The following LTBP1 variants were observed in gnomAD, a reference collection of about 807,000 sequenced individuals.
LTBP1 encodes the protein latent-transforming growth factor beta-binding protein 1.
LTBP1 carries 129 observed loss-of-function variants against 207.6 expected under a neutral mutation model. The ratio of observed to expected loss-of-function variants is 0.62; its 90% confidence interval spans 0.54 to 0.72. LTBP1 has a LOEUF of 0.72. Among genes scored for constraint, LTBP1 ranks in the 30% least tolerant of loss-of-function variants. The pLI, the probability that LTBP1 is intolerant of heterozygous loss-of-function variation, is 0.00. For missense variants in LTBP1, 2,281 were observed against 2,217.2 expected, an observed-to-expected ratio of 1.03 and a Z score of -0.58; for synonymous variants, 963 against 833.7, an observed-to-expected ratio of 1.16 and a Z score of -2.67.
intron 3 of LTBP1, among the ~76,000 whole-genome samples, chr2:33,097,552 C>T (rs190362171): frequency 2.4e-3 from 360 of 152,272 alleles, no homozygotes; most frequent in Non-Finnish European, 4.2e-3. Context: ...AAATCATAGA[C>T]ATTGTTAAAA....
intron 25 of LTBP1, 21 bp downstream of exon 25, chr2:33,342,984 C>G (rs1350989229): frequency 6.2e-7 from 1 of 1,603,726 alleles, no homozygotes; most frequent in Non-Finnish European, 8.5e-7. Flanking sequence ...AGATTTTTTC[C>G]CAACGTGTTT....
chr2:33,126,393 C>A (rs2081437499), intron 4 of LTBP1, among the ~76,000 whole-genome samples: 1 of 152,142 alleles, frequency 6.6e-6, no homozygotes, highest in South Asian at 2.1e-4. Flanking sequence ...TTCACAAAAA[C>A]CAGCCCATGT....
At chr2:32,989,229 A>G (rs1387429739) in intron 2 of LTBP1, among the ~76,000 whole-genome samples, 4 of 152,242 alleles carry the variant, frequency 2.6e-5, no homozygotes, top group Non-Finnish European at 4.4e-5. Context: ...TTAACTTATT[A>G]ATTAATGTGG....
At chr2:33,394,679 C>T (rs777160153) in intron 32 of LTBP1, among the ~76,000 whole-genome samples, 14 of 152,154 alleles carry the variant, frequency 9.2e-5, no homozygotes, top group Admixed American at 5.2e-4. Context: ...TGTTTTGGTA[C>T]GAGCATCATG....
chr2:33,211,971 A>G (rs1229270595), intron 7 of LTBP1, among the ~76,000 whole-genome samples: 1 of 152,216 alleles, frequency 6.6e-6, no homozygotes, highest in South Asian at 2.1e-4. Flanking sequence ...AAGTCTGAAG[A>G]TATGTGTTCC....
intron 31 of LTBP1, among the ~76,000 whole-genome samples, chr2:33,379,155 A>G (rs1279957063): frequency 6.7e-6 from 1 of 150,296 alleles, no homozygotes; most frequent in Non-Finnish European, 1.5e-5. Context: ...TTTCAAGAAA[A>G]TACTAGGTTG....
chr2:33,329,438 T>A (rs1257380211), intron 24 of LTBP1, among the ~76,000 whole-genome samples: 1 of 152,166 alleles, frequency 6.6e-6, no homozygotes, highest in African/African-American at 2.4e-5. Flanking sequence ...TTATTTCAGA[T>A]CAGTATTTTT....
chr2:33,095,438 A>G (rs867449121), intron 3 of LTBP1, among the ~76,000 whole-genome samples: 4 of 152,218 alleles, frequency 2.6e-5, no homozygotes, highest in Admixed American at 2.0e-4. Context: ...CTATAGAGGA[A>G]AGATAATTTG....
intron 31 of LTBP1, among the ~76,000 whole-genome samples, chr2:33,369,120 A>G (rs1267864760): frequency 6.6e-6 from 1 of 152,180 alleles, no homozygotes; most frequent in Non-Finnish European, 1.5e-5. Flanking sequence ...TAGAACAAAT[A>G]CATATGAAGT....
chr2:33,352,715 G>A (rs2094798898), intron 26 of LTBP1, among the ~76,000 whole-genome samples: 1 of 152,056 alleles, frequency 6.6e-6, no homozygotes, highest in African/African-American at 2.4e-5. Flanking sequence ...CATAGATATC[G>A]GTTTAAATCG....
At chr2:33,072,634 TGAGA>T (rs1359282771) in intron 3 of LTBP1, among the ~76,000 whole-genome samples, 1 of 152,116 alleles carries the variant, frequency 6.6e-6, no homozygotes, top group African/African-American at 2.4e-5. Context: ...AGAAGGTCAG[TGAGA>T]GAGAGATTTG....
At chr2:33,017,718 G>A (rs904772359) in intron 2 of LTBP1, among the ~76,000 whole-genome samples, 3 of 152,158 alleles carry the variant, frequency 2.0e-5, no homozygotes, top group Non-Finnish European at 4.4e-5. Flanking sequence ...CTGGGTTCAC[G>A]CCATTCTTCT....
chr2:33,075,011 A>C (rs1210190993), intron 3 of LTBP1, among the ~76,000 whole-genome samples: 1 of 152,196 alleles, frequency 6.6e-6, no homozygotes, highest in Non-Finnish European at 1.5e-5. Context: ...AGATCACACC[A>C]CTGCACTCCA....
At chr2:33,056,093 G>A (rs912471699) in intron 3 of LTBP1, among the ~76,000 whole-genome samples, 3 of 152,134 alleles carry the variant, frequency 2.0e-5, no homozygotes, top group Non-Finnish European at 4.4e-5. Flanking sequence ...AAAAAGTCAA[G>A]CTGCAGGATG....
chr2:33,235,830 A>T (rs571253267), intron 9 of LTBP1, among the ~76,000 whole-genome samples: 1 of 152,146 alleles, frequency 6.6e-6, no homozygotes. Context: ...ACATGTTCTC[A>T]CTCATAAGTG....
At chr2:33,068,389 C>G (rs182480509) in intron 3 of LTBP1, among the ~76,000 whole-genome samples, 1 of 152,080 alleles carries the variant, frequency 6.6e-6, no homozygotes, top group African/African-American at 2.4e-5. Flanking sequence ...TTATCTATTA[C>G]CACTCCCACA....
chr2:33,231,228 A>G (rs1055123146), intron 9 of LTBP1, among the ~76,000 whole-genome samples: 1 of 152,248 alleles, frequency 6.6e-6, no homozygotes, highest in Admixed American at 6.5e-5. Context: ...GAAATAGGAA[A>G]GAGCTAGCCA....
At chr2:33,262,163 G>A (rs139410650) in intron 13 of LTBP1, among the ~76,000 whole-genome samples, 1 of 152,210 alleles carries the variant, frequency 6.6e-6, no homozygotes, top group South Asian at 2.1e-4. Context: ...CTGTTGCTCT[G>A]CCTGGCTACC....
At chr2:33,209,816 G>A (rs1378709683) in intron 7 of LTBP1, among the ~76,000 whole-genome samples, 1 of 152,142 alleles carries the variant, frequency 6.6e-6, no homozygotes, top group Non-Finnish European at 1.5e-5. Flanking sequence ...TCTAATACAA[G>A]CCCAGTGGGG....
Sources: gnomAD v4.1 joint callset for allele counts (sites outside exome capture counted in the v4.1 genomes callset) on GRCh38, gnomAD v4.1.1 for gene constraint, MANE v1.5 for transcripts, NCBI Gene and HGNC (gene_info 2026-07-23, HGNC 2026-07-21) for gene names.